Variants in CDH13 observed in about 807,000 individuals in gnomAD.
CDH13 encodes the protein cadherin-13.
In CDH13, 24 loss-of-function variants were observed where a neutral mutation model predicts 63.8. That is an observed-to-expected ratio of 0.38 (90% CI 0.27 to 0.53). The LOEUF (loss-of-function observed/expected upper bound fraction) is 0.53, where lower values mean the gene tolerates loss of function less well. CDH13 is among the 20% of genes least tolerant of loss of function. The pLI, the probability that CDH13 is intolerant of heterozygous loss-of-function variation, is 0.85. For synonymous variants in CDH13, 503 were observed against 355.3 expected, an observed-to-expected ratio of 1.42 and a Z score of -4.67; for missense variants, 1,049 against 903.1, an observed-to-expected ratio of 1.16 and a Z score of -2.07.
intron 5 of CDH13, among the ~76,000 whole-genome samples, chr16:83,275,283 T>C (rs1195863452): frequency 1.3e-5 from 2 of 152,136 alleles, no homozygotes; most frequent in Non-Finnish European, 1.5e-5. Context: ...TCTTTTTTCC[T>C]TTTGATTAGA....
In CDH13 at chr16:83,737,083, C is replaced by A. The variant is rs76286992; in HGVS notation, c.1539-11025C>A. Among the ~76,000 whole-genome samples the A allele has an allele frequency of 2.8e-3, 434 of 152,298 alleles. 1 individual carries two copies. Among genetic ancestry groups the A allele is most frequent in the Non-Finnish European group, 4.4e-3 (302 of 68,020 alleles). ...GGAGCTCAAAACAGTGGTTCTTAGG[C>A]GTTTGTCTGCAGGCACGCTGGTAAT... On this transcript the variant is annotated intron_variant, in intron 10 of 13. Coordinates refer to ENST00000567109, the MANE Select transcript of CDH13 (RefSeq NM_001257.5).
chr16:83,355,900 A>G (rs973150002), intron 6 of CDH13, among the ~76,000 whole-genome samples: 6 of 152,192 alleles, frequency 3.9e-5, no homozygotes, highest in African/African-American at 7.2e-5. Flanking sequence ...ACTATTATGT[A>G]CTGGATACTG....
intron 1 of CDH13, among the ~76,000 whole-genome samples, chr16:82,674,672 G>A (rs1226205737): frequency 1.3e-5 from 2 of 152,190 alleles, no homozygotes; most frequent in African/African-American, 4.8e-5. Context: ...AGAAATATGA[G>A]ATGTGTCAGC....
In CDH13 at chr16:82,877,958, C is replaced by T. The variant is rs532267574; in HGVS notation, c.157+19485C>T. 8.5e-4 allele frequency among the ~76,000 whole-genome samples: 81 copies of T among 94,874 alleles called. 1 individual carries two copies. Among genetic ancestry groups the T allele is most frequent in the African/African-American group, 2.5e-3 (69 of 27,112 alleles). The allele number at this position is 94,874 out of a possible 152,430, so 62.2% of individuals were successfully genotyped here. A position where few individuals can be genotyped will look rare whatever the true frequency, so the allele number is the denominator to read the frequency against. On this transcript the variant is annotated intron_variant, in intron 2 of 13. Coordinates refer to ENST00000567109, the MANE Select transcript of CDH13 (RefSeq NM_001257.5). The stretch of plus-strand genomic sequence containing the variant: ...ACACACACACACACACACACACACA[C>T]ACATATACACACACACACACTCTAT...
At chr16:82,903,914 T>C (rs1198535502) in intron 2 of CDH13, among the ~76,000 whole-genome samples, 2 of 152,202 alleles carry the variant, frequency 1.3e-5, no homozygotes, top group South Asian at 2.1e-4. Flanking sequence ...CCCAGTTCTG[T>C]CTGCTCTAAA....
chr16:82,970,627 C>T (rs1037858820), intron 2 of CDH13, among the ~76,000 whole-genome samples: 5 of 117,298 alleles, frequency 4.3e-5, no homozygotes, highest in Non-Finnish European at 6.2e-5. Context: ...TCTCAATCTC[C>T]TGACCTCATG....
intron 6 of CDH13, among the ~76,000 whole-genome samples, chr16:83,381,968 A>G (rs2091575698): frequency 6.6e-6 from 1 of 152,150 alleles, no homozygotes; most frequent in Non-Finnish European, 1.5e-5. Flanking sequence ...GGCCTAGTTC[A>G]TCCTCCACCT....
At chr16:82,904,960 A>G (rs992328275) in intron 2 of CDH13, among the ~76,000 whole-genome samples, 1 of 152,252 alleles carries the variant, frequency 6.6e-6, no homozygotes, top group East Asian at 1.9e-4. Context: ...GGTTTCTCCC[A>G]TGGAGTGCAG....
At chr16:83,317,851 C>G (rs1358547606) in intron 5 of CDH13, among the ~76,000 whole-genome samples, 1 of 151,932 alleles carries the variant, frequency 6.6e-6, no homozygotes, top group African/African-American at 2.4e-5. Flanking sequence ...TCCCCACTCC[C>G]AAGTGGGGAA....
chr16:83,784,804 C>A (rs940090312), intron 13 of CDH13, among the ~76,000 whole-genome samples: 1 of 152,118 alleles, frequency 6.6e-6, no homozygotes, highest in Non-Finnish European at 1.5e-5. Flanking sequence ...TCCATGTCTC[C>A]TTCCTGGTCT....
chr16:82,646,505 CT>C (rs1447560982), intron 1 of CDH13, among the ~76,000 whole-genome samples: 2 of 152,248 alleles, frequency 1.3e-5, no homozygotes, highest in East Asian at 3.9e-4. Context: ...AAGCACATGA[CT>C]TTTAATTTAC....
intron 2 of CDH13, among the ~76,000 whole-genome samples, chr16:82,963,879 C>G (rs758596453): frequency 2.0e-5 from 3 of 152,100 alleles, no homozygotes; most frequent in Non-Finnish European, 4.4e-5. Context: ...GCAAGGGCAC[C>G]GGAAAGCCAG....
chr16:82,726,988 C>A (rs1473773269), intron 1 of CDH13, among the ~76,000 whole-genome samples: 2 of 152,142 alleles, frequency 1.3e-5, no homozygotes, highest in Non-Finnish European at 2.9e-5. Context: ...CAAATTACTA[C>A]AAAACTGCTT....
chr16:82,979,065 C>A (rs1428569319), intron 2 of CDH13, among the ~76,000 whole-genome samples: 1 of 152,234 alleles, frequency 6.6e-6, no homozygotes, highest in Non-Finnish European at 1.5e-5. Flanking sequence ...TATTTTTGAA[C>A]TTTAAGGTTT....
chr16:83,726,671 T>C (rs1910426711), intron 10 of CDH13, among the ~76,000 whole-genome samples: 1 of 152,016 alleles, frequency 6.6e-6, no homozygotes, highest in African/African-American at 2.4e-5. Flanking sequence ...CCGTCTCTAC[T>C]AAAAATACAA....
chr16:83,396,542 G>A (rs904822698), intron 6 of CDH13: 2 of 151,986 alleles, frequency 1.3e-5, no homozygotes, highest in Non-Finnish European at 2.9e-5. Context: ...TTTGAATTAT[G>A]GTGGTACTTT....
At chr16:82,639,549 C>T in intron 1 of CDH13, 1 of 854,346 alleles carries the variant, frequency 1.2e-6, no homozygotes, top group Non-Finnish European at 1.9e-6. Context: ...TAAGTCAGTG[C>T]TTCCTGCAAG....
At chr16:83,703,559 G>T (rs954261290) in intron 10 of CDH13, among the ~76,000 whole-genome samples, 1 of 152,206 alleles carries the variant, frequency 6.6e-6, no homozygotes, top group Non-Finnish European at 1.5e-5. Flanking sequence ...CAAATCACAC[G>T]TGGAGAAGAC....
intron 7 of CDH13, among the ~76,000 whole-genome samples, chr16:83,487,818 C>T (rs1040099573): frequency 9.2e-5 from 14 of 152,134 alleles, no homozygotes; most frequent in African/African-American, 2.4e-4. Flanking sequence ...ATCCATGGTT[C>T]GGAGTGTTGT....
Sources: allele counts gnomAD v4.1 joint callset (sites outside exome capture counted in the v4.1 genomes callset), GRCh38; gene constraint gnomAD v4.1.1; transcripts MANE v1.5; gene names NCBI Gene and HGNC (gene_info 2026-07-23, HGNC 2026-07-21).